SNRPF: variants seen among roughly 807,000 people sequenced by gnomAD.
The protein encoded by SNRPF is small nuclear ribonucleoprotein polypeptide F.
A neutral mutation model predicts 13.4 loss-of-function variants in SNRPF; 1 was observed. That is an observed-to-expected ratio of 0.07 (90% CI 0.03 to 0.35). The LOEUF (loss-of-function observed/expected upper bound fraction) is 0.35. SNRPF is among the 10% of genes least tolerant of loss of function. SNRPF has a pLI of 0.99. For synonymous variants in SNRPF, 27 were observed against 32.1 expected, an observed-to-expected ratio of 0.84 and a Z score of 0.54; for missense variants, 53 against 101.0, an observed-to-expected ratio of 0.52 and a Z score of 2.04.
Position 95,861,260 on chromosome 12 carries a change from T to C in SNRPF, c.96T>C (p.Tyr32=). The C allele has an allele frequency of 6.2e-7, 1 of 1,612,348 alleles. No individual in the cohort carries two copies. The highest frequency in any genetic ancestry group is 1.1e-5 in the South Asian group (1 of 91,002). ...KLKWGMEYKG[Y]LVSVDGYMNM... The stretch of plus-strand genomic sequence containing the variant: ...AGTGGGGAATGGAGTACAAGGGCTA[T>C]CTGGTATCTGTAGATGGCTACATGA... Residue 32 remains tyrosine, a synonymous_variant, in exon 2 of 4, where the codon TAT becomes TAC. Coordinates refer to ENST00000266735, the MANE Select transcript of SNRPF (RefSeq NM_003095.5).
chr12:95,861,052 TAAG>T, intron 1 of SNRPF, 113 bp from the exon 2 acceptor site: 1 of 815,888 alleles, frequency 1.2e-6, no homozygotes, highest in Non-Finnish European at 1.9e-6. Context: ...ACTAAAATAA[TAAG>T]GAGTCAAAAG....
intron 3 of SNRPF, among the ~76,000 whole-genome samples, chr12:95,865,790 C>CA (rs1269176185): frequency 1.3e-5 from 2 of 152,050 alleles, no homozygotes; most frequent in Non-Finnish European, 2.9e-5. Context: ...ATAAAGATGT[C>CA]ATTTTATAAC....
chr12:95,859,142 G>A (rs1311168888), intron 1 of SNRPF, 66 bp downstream of exon 1: 1 of 1,399,256 alleles, frequency 7.1e-7, no homozygotes, highest in Non-Finnish European at 1.0e-6. Context: ...GCCTCGCGGG[G>A]CCTGCTGGTT....
At chr12:95,859,564 A>G (rs997728645) in intron 1 of SNRPF, among the ~76,000 whole-genome samples, 1 of 152,238 alleles carries the variant, frequency 6.6e-6, no homozygotes, top group Admixed American at 6.5e-5. Flanking sequence ...AGGCTTAGTC[A>G]GAGATGGCCT....
chr12:95,859,867 T>A (rs777107774), intron 1 of SNRPF, among the ~76,000 whole-genome samples: 4 of 152,178 alleles, frequency 2.6e-5, no homozygotes, highest in Non-Finnish European at 5.9e-5. Context: ...ATTGGATCAT[T>A]TTAAGCAGAA....
chr12:95,859,956 C>A (rs187049945), intron 1 of SNRPF, among the ~76,000 whole-genome samples: 3 of 151,926 alleles, frequency 2.0e-5, no homozygotes, highest in Admixed American at 6.5e-5. Context: ...AACTGGAGAC[C>A]CATTAGGTTA....
rs1196901734 is a variant in SNRPF at position 95,861,123 on chromosome 12, G to A, written c.4-45G>A. ...GATTCGGTAGAAGAGAGTTGGTGGTGGGAGGAAAAATAATTAATTAGATCC... is the reference window on the plus strand; with the variant it reads ...GATTCGGTAGAAGAGAGTTGGTGGTAGGAGGAAAAATAATTAATTAGATCC... On this transcript the variant is annotated intron_variant, in intron 1 of 3. Coordinates refer to ENST00000266735, the MANE Select transcript of SNRPF (RefSeq NM_003095.5). 4.5e-6 allele frequency: 7 copies of A among 1,563,514 alleles called. No homozygotes were observed. In the African/African-American group the frequency reaches 8.2e-5, roughly 18 times the overall value.
chr12:95,862,725 T>C (rs1427464610), intron 2 of SNRPF, among the ~76,000 whole-genome samples: 1 of 152,080 alleles, frequency 6.6e-6, no homozygotes, highest in Non-Finnish European at 1.5e-5. Context: ...TTTGAGTAAC[T>C]GTCACACTAT....
intron 2 of SNRPF, among the ~76,000 whole-genome samples, chr12:95,864,810 G>C (rs926915260): frequency 6.6e-6 from 1 of 152,208 alleles, no homozygotes; most frequent in African/African-American, 2.4e-5. Context: ...TCAGGAGATT[G>C]AGGCAGGAGG....
At chr12:95,859,176 C>T (rs2079481308) in intron 1 of SNRPF, 100 bp downstream of exon 1, 8 of 1,057,922 alleles carry the variant, frequency 7.6e-6, no homozygotes, top group African/African-American at 1.6e-5. Context: ...CCCATTCATC[C>T]GCGTGAGGCG....
intron 2 of SNRPF, among the ~76,000 whole-genome samples, chr12:95,864,069 T>C (rs867958098): frequency 6.6e-6 from 1 of 152,248 alleles, no homozygotes; most frequent in African/African-American, 2.4e-5. Flanking sequence ...TTATTTCTTA[T>C]AGCTGTTACA....
chr12:95,860,344 G>C (rs1277631081), intron 1 of SNRPF, among the ~76,000 whole-genome samples: 1 of 152,142 alleles, frequency 6.6e-6, no homozygotes, highest in African/African-American at 2.4e-5. Context: ...AGCTAGCCTT[G>C]CCTGGAACAG....
intron 1 of SNRPF, among the ~76,000 whole-genome samples, chr12:95,859,381 A>C (rs1336556741): frequency 1.3e-5 from 2 of 151,902 alleles, no homozygotes; most frequent in African/African-American, 2.4e-5. Flanking sequence ...ACTTAACCAC[A>C]CTCCAGAATT....
At chr12:95,864,718 A>AAT (rs2079513142) in intron 2 of SNRPF, among the ~76,000 whole-genome samples, 1 of 152,244 alleles carries the variant, frequency 6.6e-6, no homozygotes. Flanking sequence ...CAGCTTGGGC[A>AAT]ATATAGCAAG....
Position 95,859,029 on chromosome 12 carries a change from G to C in SNRPF, c.-45G>C, listed in dbSNP as rs202161777. On this transcript the variant is annotated 5_prime_UTR_variant, in exon 1 of 4. Coordinates refer to ENST00000266735, the MANE Select transcript of SNRPF (RefSeq NM_003095.5). ...CTGTAGTCACGAGGGACGGGCGGCG[G>C]CCTGGTCGGCAGAGAGTAGCCTGCA... is the stretch of plus-strand genomic sequence containing the variant. The C allele has an allele frequency of 1.5e-4, 237 of 1,610,292 alleles. No homozygotes were observed. The highest frequency in any genetic ancestry group is 1.3e-4 in the African/African-American group (10 of 74,920).
At chr12:95,863,052 T>C (rs1268271089) in intron 2 of SNRPF, among the ~76,000 whole-genome samples, 2 of 152,150 alleles carry the variant, frequency 1.3e-5, no homozygotes, top group African/African-American at 4.8e-5. Context: ...TTTTAAAGGC[T>C]ATCAAGACAG....
chr12:95,859,962 G>C (rs2079487144), intron 1 of SNRPF, among the ~76,000 whole-genome samples: 1 of 152,188 alleles, frequency 6.6e-6, no homozygotes, highest in South Asian at 2.1e-4. Context: ...AGACCCATTA[G>C]GTTATTGGAG....
In SNRPF at chr12:95,865,386, A is replaced by G. The variant is rs2079516164; in HGVS notation, c.192A>G (p.Ile64Met). The G allele has an allele frequency of 6.6e-7, 1 of 1,505,642 alleles. No homozygotes were observed. The allele number at this position is 1,505,642 out of a possible 1,614,324, so 93.3% of individuals were successfully genotyped here. The change falls in exon 3 of 4, where the codon ATA (isoleucine) becomes ATG (methionine). Residue 64 changes from isoleucine to methionine, a missense_variant and splice_region_variant. Transcript: ENST00000266735. Reference sequence around the variant, plus strand: ...CTGGACATCTGGGTGAAGTTTTAATAAGGTAACAAACAGCAGTAGTATATG... The same window carrying G: ...CTGGACATCTGGGTGAAGTTTTAATGAGGTAACAAACAGCAGTAGTATATG... The part of the protein sequence containing the change: ...ALSGHLGEVL[I>M]RCNNVLYIRG...
At chr12:95,865,197 A>ATAGATAATTTTGATTATCTATAAATTT in intron 2 of SNRPF, 127 bp from the exon 3 acceptor site, 1 of 445,756 alleles carries the variant, frequency 2.2e-6, no homozygotes, top group East Asian at 3.3e-5. Context: ...TCTGTTTATT[A>ATAGATAATTTTGATTATCTATAAATTT]ATTATAGATA....
Sources: allele counts gnomAD v4.1 joint callset (sites outside exome capture counted in the v4.1 genomes callset), GRCh38; gene constraint gnomAD v4.1.1; transcripts MANE v1.5; gene names NCBI Gene and HGNC (gene_info 2026-07-23, HGNC 2026-07-21).